Variants in SHBG observed in about 807,000 individuals in gnomAD.
SHBG encodes sex hormone-binding globulin.
In SHBG, 37 loss-of-function variants were observed where a neutral mutation model predicts 41.9. The observed-to-expected ratio is 0.88, with a 90% confidence interval of 0.68 to 1.16. The LOEUF (loss-of-function observed/expected upper bound fraction) is 1.16. Ranked by LOEUF, SHBG falls within the 50% of genes most tolerant of loss-of-function variation. The probability of loss-of-function intolerance (pLI) is 0.00; values close to 1 mark genes in which losing one functional copy is unlikely to be tolerated. For synonymous variants in SHBG, 217 were observed against 205.8 expected, an observed-to-expected ratio of 1.05 and a Z score of -0.47; for missense variants, 466 against 499.9, an observed-to-expected ratio of 0.93 and a Z score of 0.65.
At position 7,633,265 on chromosome 17, in the gene SHBG, TG is replaced by T; in HGVS notation, c.1123del (p.Val375TrpfsTer5). 1 of 1,614,154 alleles carries T rather than the reference TG, an allele frequency of 6.2e-7. No homozygotes were observed. Among genetic ancestry groups the T allele is most frequent in the Non-Finnish European group, 8.5e-7 (1 of 1,180,026 alleles). ...TTTGGGCACAAGGTCAGAGGCTGGA[TG>T]TGGACCAGGCCCTGAACAGAAGCCA... is the stretch of plus-strand genomic sequence containing the variant. ...GLWAQGQRLD[V>X]DQALNRSHEI... On this transcript the variant is annotated frameshift_variant, in exon 8 of 8. Coordinates refer to ENST00000380450, the MANE Select transcript of SHBG (RefSeq NM_001040.5). LOFTEE classifies it high-confidence loss of function.
chr17:7,626,952 C>G (rs1164172787), upstream of SHBG: 1 of 1,613,824 alleles, frequency 6.2e-7, no homozygotes, highest in African/African-American at 1.3e-5. Context: ...CCCCGATATT[C>G]CGGCATCACA....
At chr17:7,620,794 C>A (rs766190015) in intron 1 of SHBG, among the ~76,000 whole-genome samples, 7 of 151,450 alleles carry the variant, frequency 4.6e-5, no homozygotes, top group Admixed American at 1.3e-4. Flanking sequence ...CCACACCCAG[C>A]TAATTTTTTT....
chr17:7,620,801 T>G (rs574446728), intron 1 of SHBG, among the ~76,000 whole-genome samples: 2 of 151,372 alleles, frequency 1.3e-5, no homozygotes, highest in African/African-American at 4.9e-5. Flanking sequence ...CAGCTAATTT[T>G]TTTGTATTTA....
chr17:7,616,304 C>T (rs1042739320), intron 1 of SHBG, among the ~76,000 whole-genome samples: 1 of 143,100 alleles, frequency 7.0e-6, no homozygotes, highest in Non-Finnish European at 1.5e-5. Context: ...AGTGAAATTT[C>T]TTCTTTAAAA....
At chr17:7,616,847 A>T (rs1199687686) in intron 1 of SHBG, among the ~76,000 whole-genome samples, 2 of 152,048 alleles carry the variant, frequency 1.3e-5, no homozygotes, top group Non-Finnish European at 2.9e-5. Flanking sequence ...GAGGCAAGAG[A>T]ATTGCTTGAA....
At chr17:7,618,509 G>A (rs890829638) in intron 1 of SHBG, among the ~76,000 whole-genome samples, 39 of 151,734 alleles carry the variant, frequency 2.6e-4, no homozygotes, top group African/African-American at 9.2e-4. Context: ...GTTTCACCAC[G>A]TTGGCCAGGC....
intron 1 of SHBG, among the ~76,000 whole-genome samples, chr17:7,622,767 C>A (rs147938877): frequency 1.3e-5 from 2 of 151,628 alleles, no homozygotes; most frequent in Admixed American, 1.3e-4. Context: ...CGGTGGCTCA[C>A]GCCTGTAATC....
In SHBG at chr17:7,630,341, C is replaced by G; in HGVS notation, c.111+58C>G. On this transcript the variant is annotated intron_variant, in intron 1 of 7. Coordinates refer to ENST00000380450, the MANE Select transcript of SHBG (RefSeq NM_001040.5). This position sits in a 1 kb window ranked among gnomAD's most constrained non-coding sequence, Gnocchi z 4.6. ...CAGTCTTCCCTTCTCTCCTCTGGCC[C>G]TGTAGCAGGGCCTCTCCCTCTGTCT... 1 of 1,589,680 alleles carries G rather than the reference C, an allele frequency of 6.3e-7. No homozygotes were observed. The highest frequency in any genetic ancestry group is 8.6e-7 in the Non-Finnish European group (1 of 1,157,864).
Position 7,632,754 on chromosome 17 carries a change from G to T in SHBG, c.855G>T (p.Lys285Asn), listed in dbSNP as rs1360381941. The T allele has an allele frequency of 1.9e-6, 3 of 1,612,376 alleles. No homozygotes were observed. Among genetic ancestry groups the T allele is most frequent in the Non-Finnish European group, 2.5e-6 (3 of 1,179,060 alleles). ...SWLSLHLQDQ[K>N]VVLSSGSGPG... The stretch of plus-strand genomic sequence containing the variant: ...TCCCTTTCCCACACACTCTGCAGAA[G>T]GTGGTGTTGTCTTCTGGGTCGGGGC... Residue 285 changes from lysine to asparagine, a missense_variant and splice_region_variant, in exon 7 of 8, where the codon AAG becomes AAT. Physicochemically the swap from Lys to Asn is moderately conservative, Grantham distance 94. Transcript: ENST00000380450.
Position 7,630,766 on chromosome 17 carries a change from T to C in SHBG, c.290T>C (p.Met97Thr), listed in dbSNP as rs768063176. 9.7e-5 allele frequency: 156 copies of C among 1,613,976 alleles called. No individual in the cohort carries two copies. The highest frequency in any genetic ancestry group is 1.3e-4 in the Non-Finnish European group (148 of 1,180,012). Residue 97 changes from methionine to threonine, a missense_variant, in exon 3 of 8, where the codon ATG becomes ACG. Coordinates refer to ENST00000380450, the MANE Select transcript of SHBG (RefSeq NM_001040.5). The surrounding 1 kb of genome is among the most constrained non-coding windows in gnomAD (Gnocchi z 4.6). The part of the protein sequence containing the change: ...GDTNPKDDWF[M>T]LGLRDGRPEI... ...ACCAACCCTAAGGATGACTGGTTTA[T>C]GCTGGGACTTCGAGACGGCAGGCCT...
intron 1 of SHBG, among the ~76,000 whole-genome samples, chr17:7,618,929 G>A (rs573978577): frequency 4.6e-5 from 7 of 152,092 alleles, no homozygotes; most frequent in Middle Eastern, 3.2e-3. Flanking sequence ...ATCCTTATAA[G>A]AGATTAATTA....
upstream of SHBG, chr17:7,626,363 AGT>A: frequency 6.7e-7 from 1 of 1,486,746 alleles, no homozygotes; most frequent in Non-Finnish European, 9.2e-7. Context: ...CCTCAGCATC[AGT>A]GTCTGTGGAC....
upstream of SHBG, among the ~76,000 whole-genome samples, chr17:7,625,617 G>A (rs991687522): frequency 5.9e-5 from 9 of 151,922 alleles, no homozygotes; most frequent in South Asian, 2.1e-4. Context: ...TGGGCTGGGC[G>A]CGGTGGCTCA....
upstream of SHBG, among the ~76,000 whole-genome samples, chr17:7,623,569 C>A (rs858522): frequency 0.47 from 70,971 of 152,054 alleles, 17,901 homozygotes; most frequent in South Asian, 0.64. Flanking sequence ...AGCCGTCCTC[C>A]CATCTCAGCC....
intron 1 of SHBG, among the ~76,000 whole-genome samples, chr17:7,615,506 C>T (rs183786350): frequency 6.6e-6 from 1 of 152,288 alleles, no homozygotes; most frequent in African/African-American, 2.4e-5. Context: ...GATTGTGATA[C>T]AATGAAAGTT....
chr17:7,627,028 G>C, upstream of SHBG: 1 of 1,613,962 alleles, frequency 6.2e-7, no homozygotes, highest in Non-Finnish European at 8.5e-7. The surrounding 1 kb of genome is among the most constrained non-coding windows in gnomAD (Gnocchi z 4.8). Context: ...ATATCCCATA[G>C]CCCACCACGC....
upstream of SHBG, chr17:7,627,744 G>T (rs1187487150): frequency 7.5e-6 from 10 of 1,328,072 alleles, no homozygotes; most frequent in Non-Finnish European, 1.1e-5. The surrounding 1 kb of genome is among the most constrained non-coding windows in gnomAD (Gnocchi z 4.8). Context: ...GAGCGGGGTG[G>T]CGGGAGTCGG....
chr17:7,626,448 C>T, upstream of SHBG: 1 of 1,613,932 alleles, frequency 6.2e-7, no homozygotes, highest in Non-Finnish European at 8.5e-7. Context: ...GGGATGGCGT[C>T]ACTTTCCTGC....
At chr17:7,627,503 C>A, upstream of SHBG, 1 of 1,595,398 alleles carries the variant, frequency 6.3e-7, no homozygotes, top group Non-Finnish European at 8.6e-7. This position sits in a 1 kb window ranked among gnomAD's most constrained non-coding sequence, Gnocchi z 4.8. Flanking sequence ...CCCCCTGCCC[C>A]CGCCTCCTAC....
Sources: allele counts gnomAD v4.1 joint callset (sites outside exome capture counted in the v4.1 genomes callset), GRCh38; gene constraint gnomAD v4.1.1; non-coding constraint Gnocchi (gnomAD v3.1); transcripts MANE v1.5; gene names NCBI Gene and HGNC (gene_info 2026-07-23, HGNC 2026-07-21).